ANKRD26: variants seen among roughly 807,000 people sequenced by gnomAD.
ANKRD26 encodes ankyrin repeat domain 26, also known as ankyrin repeat domain-containing protein 26.
In ANKRD26, 141 loss-of-function variants were observed where a neutral mutation model predicts 208.7. That is an observed-to-expected ratio of 0.68 (90% confidence interval 0.59 to 0.78). The LOEUF is 0.78. Ranked by LOEUF, ANKRD26 falls within the 30% of genes least tolerant of loss-of-function variation. The probability of loss-of-function intolerance (pLI) is 0.00; values close to 1 mark genes in which losing one functional copy is unlikely to be tolerated. For synonymous variants in ANKRD26, 636 were observed against 660.4 expected, an observed-to-expected ratio of 0.96 and a Z score of 0.57; for missense variants, 1,889 against 1,938.7, an observed-to-expected ratio of 0.97 and a Z score of 0.48.
intron 5 of ANKRD26, among the ~76,000 whole-genome samples, chr10:27,085,579 T>C (rs992910203): frequency 6.6e-6 from 1 of 152,186 alleles, no homozygotes; most frequent in South Asian, 2.1e-4. Flanking sequence ...TAATTTCCTA[T>C]TGGTATTGGT....
Position 27,060,363 on chromosome 10 carries a change from C to A in ANKRD26, c.1546G>T (p.Val516Leu). Residue 516 changes from valine to leucine, a missense_variant, in exon 15 of 34, where the codon GTA becomes TTA. Transcript: ENST00000376087. ...VPNKAGGMKD[V>L]QTSKAAEHDL... ...CATTTACCTGCTTTGGATGTTTGTA[C>A]ATCCTTCATTCCTCCTGCTTTATTT... The A allele has an allele frequency of 6.2e-7, 1 of 1,611,616 alleles. No individual in the cohort carries two copies. The highest frequency in any genetic ancestry group is 1.1e-5 in the South Asian group (1 of 90,984).
intron 27 of ANKRD26, among the ~76,000 whole-genome samples, chr10:27,028,490 G>C (rs368646597): frequency 6.7e-6 from 1 of 150,292 alleles, no homozygotes; most frequent in East Asian, 2.0e-4. Flanking sequence ...CCAGCTACTC[G>C]GGAGGCTGAG....
At chr10:26,969,524 C>T (rs183454913), downstream of ANKRD26, among the ~76,000 whole-genome samples, 4 of 152,264 alleles carry the variant, frequency 2.6e-5, no homozygotes, top group East Asian at 7.7e-4. Context: ...AACCAGCCAC[C>T]TCCTTGGCAG....
At chr10:27,079,992 C>A (rs1167241372) in intron 6 of ANKRD26, 2 of 304,910 alleles carry the variant, frequency 6.6e-6, no homozygotes, top group Non-Finnish European at 1.3e-5. Flanking sequence ...TCTGTCTCTA[C>A]TAAAAATACA....
intron 4 of ANKRD26, among the ~76,000 whole-genome samples, chr10:26,996,865 AC>A (rs1209569527): frequency 6.6e-6 from 1 of 152,012 alleles, no homozygotes; most frequent in African/African-American, 2.4e-5. Flanking sequence ...CTTTTATTTC[AC>A]TTTTCTCTCT....
chr10:27,021,290 C>T (rs1375105581), intron 29 of ANKRD26, among the ~76,000 whole-genome samples: 2 of 152,174 alleles, frequency 1.3e-5, no homozygotes, highest in Non-Finnish European at 2.9e-5. Flanking sequence ...TTTCCTTTCT[C>T]CTGGATAAAT....
intron 32 of ANKRD26, among the ~76,000 whole-genome samples, chr10:27,008,512 T>G (rs6482585): frequency 0.49 from 74,418 of 152,010 alleles, 20,328 homozygotes; most frequent in Non-Finnish European, 0.62. Context: ...GAACTACTAA[T>G]GTAATGTAGT....
downstream of ANKRD26, among the ~76,000 whole-genome samples, chr10:26,972,191 T>A (rs367566633): frequency 1.4e-5 from 2 of 146,248 alleles, no homozygotes; most frequent in Admixed American, 7.0e-5. Flanking sequence ...GCCGAGATCG[T>A]GCCACTGCAC....
intron 6 of ANKRD26, among the ~76,000 whole-genome samples, chr10:27,082,064 AAAAAAAAAAAGG>A (rs1339599768): frequency 2.4e-5 from 2 of 83,930 alleles, no homozygotes; most frequent in Non-Finnish European, 6.2e-5. Flanking sequence ...AAAAAAAAAA[AAAAAAAAAAAGG>A]GAGAGAGAGA....
Position 27,005,016 on chromosome 10 carries a change from T to C in ANKRD26, c.*574A>G, listed in dbSNP as rs892962736. The C allele has an allele frequency of 1.0e-6, 1 of 982,786 alleles. No homozygotes were observed. Among genetic ancestry groups the C allele is most frequent in the East Asian group, 1.1e-4 (1 of 8,826 alleles). The allele number at this position is 982,786 out of a possible 1,614,324, so 60.9% of individuals were successfully genotyped here. ...TGTTCGGAGGAGAAAGTCTTTGTAC[T>C]AAAACTTCGAAATTTTCTCTAAACT... On this transcript the variant is annotated 3_prime_UTR_variant, in exon 34 of 34. Coordinates refer to ENST00000376087, the MANE Select transcript of ANKRD26 (RefSeq NM_014915.3).
At chr10:27,038,120 T>C in intron 21 of ANKRD26, 66 bp from the exon 22 acceptor site, 1 of 1,329,760 alleles carries the variant, frequency 7.5e-7, no homozygotes, top group East Asian at 2.3e-5. Flanking sequence ...TTGTGTGATA[T>C]GCCGCTTTGT....
chr10:27,063,449 T>C (rs917377910), intron 12 of ANKRD26, among the ~76,000 whole-genome samples: 5 of 152,078 alleles, frequency 3.3e-5, no homozygotes, highest in Non-Finnish European at 5.9e-5. Flanking sequence ...GCCTCCCAAG[T>C]AGCTGGAATT....
chr10:27,045,219 T>C (rs1204823082), intron 18 of ANKRD26, among the ~76,000 whole-genome samples: 1 of 151,936 alleles, frequency 6.6e-6, no homozygotes, highest in Non-Finnish European at 1.5e-5. Flanking sequence ...AGGTCAGGAG[T>C]TTAAGACCAG....
rs868173350 is a variant in ANKRD26 at position 27,084,565 on chromosome 10, T to C, written c.710-1732A>G. ...ACATCCAGGTAGCATAGTAGCATTT[T>C]TGTTATGGCGAAACATTTCTGGCCA... On this transcript the variant is annotated intron_variant, in intron 5 of 33. Transcript: ENST00000376087. Among the ~76,000 whole-genome samples, 13 of 152,286 alleles carry C rather than the reference T, an allele frequency of 8.5e-5. No individual in the cohort carries two copies. In the Middle Eastern group the frequency reaches 0.014, roughly 159 times the overall value.
intron 3 of ANKRD26, among the ~76,000 whole-genome samples, chr10:26,984,910 G>A (rs532991321): frequency 3.3e-5 from 5 of 152,212 alleles, no homozygotes; most frequent in East Asian, 1.9e-4. Flanking sequence ...TAGGCACAAC[G>A]GAAATGTTGA....
chr10:27,035,786 C>A (rs912203138), intron 23 of ANKRD26, 34 bp from the exon 24 acceptor site: 8 of 1,418,542 alleles, frequency 5.6e-6, no homozygotes, highest in Non-Finnish European at 7.9e-6. Context: ...GAGCTAGCAC[C>A]CAAGAAAATG....
chr10:27,032,595 C>T (rs901261856), intron 25 of ANKRD26, among the ~76,000 whole-genome samples: 5 of 151,012 alleles, frequency 3.3e-5, no homozygotes, highest in African/African-American at 1.2e-4. Context: ...AAAATTATGC[C>T]ACTGCACGCC....
chr10:26,949,155 T>C, the ANKRD26 span, among the ~76,000 whole-genome samples: 1 of 152,222 alleles, frequency 6.6e-6, no homozygotes, highest in Non-Finnish European at 1.5e-5. Context: ...AATGGTTTAA[T>C]GAACCTAATT....
At chr10:27,060,748 T>G (rs1348910325) in intron 13 of ANKRD26, among the ~76,000 whole-genome samples, 3 of 152,222 alleles carry the variant, frequency 2.0e-5, no homozygotes, top group Admixed American at 1.3e-4. Flanking sequence ...TAATAAAACA[T>G]GCAGTTATGA....
Sources: gnomAD v4.1 joint callset for allele counts (sites outside exome capture counted in the v4.1 genomes callset) on GRCh38, gnomAD v4.1.1 for gene constraint, MANE v1.5 for transcripts, NCBI Gene and HGNC (gene_info 2026-07-23, HGNC 2026-07-21) for gene names.